Variants in HSH2D observed in about 807,000 individuals in gnomAD.
The protein encoded by HSH2D is hematopoietic SH2 domain containing.
HSH2D carries 16 observed loss-of-function variants against 21.5 expected under a neutral mutation model. That is an observed-to-expected ratio of 0.74 (90% CI 0.50 to 1.13). The LOEUF is 1.13. Ranked by LOEUF, HSH2D falls within the 50% of genes most tolerant of loss-of-function variation. The probability of loss-of-function intolerance (pLI) is 0.00; values close to 1 mark genes in which losing one functional copy is unlikely to be tolerated. For missense variants in HSH2D, 418 were observed against 441.4 expected (o/e 0.95, Z 0.47); for synonymous variants, 172 against 184.7 (o/e 0.93, Z 0.56).
chr19:16,150,870 C>T (rs1418741927), intron 2 of HSH2D, among the ~76,000 whole-genome samples: 4 of 151,826 alleles, frequency 2.6e-5, no homozygotes, highest in South Asian at 2.1e-4. Context: ...AAACAAAAAA[C>T]AATTCATGAA....
chr19:16,152,672 G>T (rs758240190), intron 3 of HSH2D, 31 bp downstream of exon 3: 125 of 1,510,740 alleles, frequency 8.3e-5, no homozygotes, highest in Non-Finnish European at 1.0e-4. Context: ...CAGGGCAGGG[G>T]CAGGTGGGCT....
intron 4 of HSH2D, 111 bp from the exon 5 acceptor site, chr19:16,154,288 G>A (rs1409002756): frequency 1.6e-6 from 1 of 643,398 alleles, no homozygotes; most frequent in Admixed American, 3.0e-5. Flanking sequence ...CGTGGCCTAG[G>A]TACTAAGAAA....
intron 1 of HSH2D, among the ~76,000 whole-genome samples, chr19:16,147,775 A>G (rs1642644512): frequency 6.6e-6 from 1 of 151,526 alleles, no homozygotes; most frequent in Non-Finnish European, 1.5e-5. Flanking sequence ...CCTCCCAAGT[A>G]GCTGTGATTA....
intron 1 of HSH2D, among the ~76,000 whole-genome samples, chr19:16,138,210 C>T (rs999804634): frequency 6.6e-6 from 1 of 152,110 alleles, no homozygotes; most frequent in Non-Finnish European, 1.5e-5. Flanking sequence ...CACTAGGTGG[C>T]CTTTGTGTCT....
At position 16,157,324 on chromosome 19, in the gene HSH2D, G is replaced by A. The variant is rs921231981; in HGVS notation, c.589G>A (p.Gly197Arg). The change falls in exon 6 of 6, where the codon GGA (glycine) becomes AGA (arginine). Residue 197 changes from glycine to arginine, a missense_variant. Transcript: ENST00000613986. The surrounding 1 kb of genome is among the most constrained non-coding windows in gnomAD (Gnocchi z 4.4). ...CTCCTGCCCCCCAAAATCCCCTCTT[G>A]GAGAGACCCGCCAGAAACTCTGGAG... is the stretch of plus-strand genomic sequence containing the variant. ...TSSCPPKSPL[G>R]ETRQKLWRSL... 1 of 1,613,718 alleles carries A rather than the reference G, an allele frequency of 6.2e-7. No homozygotes were observed. Among genetic ancestry groups the A allele is most frequent in the African/African-American group, 1.3e-5 (1 of 74,896 alleles).
rs2091248726 is a variant in HSH2D, at chr19:16,157,297, TC to T, written c.564del (p.Ser189ProfsTer33). 7 of 1,611,514 alleles carry T rather than the reference TC, an allele frequency of 4.3e-6. No homozygotes were observed. In the East Asian group the frequency reaches 1.6e-4, roughly 36 times the overall value. ...CAGAATAACCACCAAGGAAGCCACT[TC>T]CTCCTGCCCCCCAAAATCCCCTCTT... ...MNRITTKEAT[S>X]SCPPKSPLGE... On this transcript the variant is annotated frameshift_variant, in exon 6 of 6. Transcript: ENST00000613986. LOFTEE classifies it low-confidence loss of function (END_TRUNC). The surrounding 1 kb of genome is among the most constrained non-coding windows in gnomAD (Gnocchi z 4.4).
At chr19:16,156,079 C>T (rs1257043991) in intron 5 of HSH2D, among the ~76,000 whole-genome samples, 1 of 151,850 alleles carries the variant, frequency 6.6e-6, no homozygotes, top group Non-Finnish European at 1.5e-5. Context: ...ATTTGGTCTG[C>T]GTAGTGGCTC....
chr19:16,152,516 G>T, intron 2 of HSH2D, 36 bp from the exon 3 acceptor site: 1 of 1,366,688 alleles, frequency 7.3e-7, no homozygotes, highest in South Asian at 1.6e-5. Flanking sequence ...GGGGCGGCTG[G>T]ACTGTTTCAT....
rs770501857 is a variant in HSH2D, at chr19:16,157,157, C to T, written c.475-53C>T. On this transcript the variant is annotated intron_variant, in intron 5 of 5. Transcript: ENST00000613986. This position sits in a 1 kb window ranked among gnomAD's most constrained non-coding sequence, Gnocchi z 4.4. ...CCCAGGCTCCAATTTCTGGGACAGA[C>T]ATGGTGCTCTGGTGGGCAAGCTGCC... 5.2e-5 allele frequency: 75 copies of T among 1,431,692 alleles called. No individual in the cohort carries two copies. The highest frequency in any genetic ancestry group is 3.6e-4 in the Middle Eastern group (2 of 5,490). 88.7% of individuals were successfully genotyped at this position (1,431,692 alleles called of 1,614,324 possible). A position where few individuals can be genotyped will look rare whatever the true frequency, so the allele number is the denominator to read the frequency against.
upstream of HSH2D, among the ~76,000 whole-genome samples, chr19:16,142,674 G>GT (rs1164142551): frequency 6.6e-6 from 1 of 152,060 alleles, no homozygotes; most frequent in Non-Finnish European, 1.5e-5. Flanking sequence ...TGTTGGTCAG[G>GT]CTGGTCGCGA....
chr19:16,143,931 C>G (rs1201785699), intron 1 of HSH2D, among the ~76,000 whole-genome samples, 157 bp downstream of exon 1: 2 of 151,600 alleles, frequency 1.3e-5, no homozygotes, highest in African/African-American at 2.4e-5. Flanking sequence ...TTGTGGTGAC[C>G]ACAAATGGAA....
At chr19:16,140,738 T>A (rs148278217), upstream of HSH2D, among the ~76,000 whole-genome samples, 219 of 152,062 alleles carry the variant, frequency 1.4e-3, 1 homozygote, top group African/African-American at 5.2e-3. Context: ...ATCCAAAAAT[T>A]AGCCAGGCGT....
chr19:16,153,789 C>G (rs994377629), intron 4 of HSH2D, among the ~76,000 whole-genome samples: 4 of 150,618 alleles, frequency 2.7e-5, no homozygotes, highest in Non-Finnish European at 5.9e-5. Flanking sequence ...TGGGCGTGGC[C>G]TAGCCCCTAA....
At chr19:16,151,869 G>C (rs2091157275) in intron 2 of HSH2D, among the ~76,000 whole-genome samples, 1 of 150,978 alleles carries the variant, frequency 6.6e-6, no homozygotes, top group Non-Finnish European at 1.5e-5. Flanking sequence ...ACTTTGGGAG[G>C]CTGAGGCAGG....
chr19:16,143,869 C>T, intron 1 of HSH2D, 95 bp downstream of exon 1: 1 of 262,290 alleles, frequency 3.8e-6, no homozygotes, highest in South Asian at 2.6e-5. Context: ...CCTGGGGTGG[C>T]AGGAGGGATT....
Position 16,145,879 on chromosome 19 carries a change from C to A in HSH2D, c.-28+2105C>A, listed in dbSNP as rs1170896417. 2.0e-5 allele frequency among the ~76,000 whole-genome samples: 3 copies of A among 151,616 alleles called. No homozygotes were observed. In the East Asian group the frequency reaches 5.8e-4, roughly 29 times the overall value. On this transcript the variant is annotated intron_variant, in intron 1 of 5. Transcript: ENST00000613986. ...TCACTTGAGGTCAGGATTTGGAGAC[C>A]AGCCTGGCCAACATGGTGAAACCCC...
Position 16,156,080 on chromosome 19 carries a change from G to A in HSH2D, c.475-1130G>A, listed in dbSNP as rs369947745. On this transcript the variant is annotated intron_variant, in intron 5 of 5. Transcript: ENST00000613986. ...AAAGAAACATGGATATTTGGTCTGC[G>A]TAGTGGCTCACACCTGTATTCCCAG... Among the ~76,000 whole-genome samples, 388 of 152,166 alleles carry A rather than the reference G, an allele frequency of 2.5e-3. 2 individuals carry two copies. Among genetic ancestry groups the A allele is most frequent in the African/African-American group, 9.0e-3 (375 of 41,542 alleles).
chr19:16,149,526 C>G (rs1408336422), intron 2 of HSH2D, among the ~76,000 whole-genome samples: 2 of 151,258 alleles, frequency 1.3e-5, no homozygotes, highest in East Asian at 3.9e-4. Flanking sequence ...ACACAGTACT[C>G]CAAGCAGCTG....
rs1241260646 is a variant in HSH2D at position 16,143,792 on chromosome 19, C to T, written c.-28+18C>T. On this transcript the variant is annotated intron_variant, in intron 1 of 5. Transcript: ENST00000613986. ...TCTCCCAGGTATGTGACCCAAGAGC[C>T]TCAGCCCTCGAGGAGACAGAACGTG... 1 of 437,992 alleles carries T rather than the reference C, an allele frequency of 2.3e-6. No homozygotes were observed. Among genetic ancestry groups the T allele is most frequent in the African/African-American group, 2.0e-5 (1 of 49,320 alleles). The allele number at this position is 437,992 out of a possible 1,614,324, so 27.1% of individuals were successfully genotyped here.
Sources: gnomAD v4.1 joint callset for allele counts (sites outside exome capture counted in the v4.1 genomes callset) on GRCh38, gnomAD v4.1.1 for gene constraint, Gnocchi (gnomAD v3.1) non-coding constraint, MANE v1.5 for transcripts, NCBI Gene and HGNC (gene_info 2026-07-23, HGNC 2026-07-21) for gene names.